Variants in TPRG1 observed in about 807,000 individuals in gnomAD.
The protein encoded by TPRG1 is tumor protein p63 regulated 1.
A neutral mutation model predicts 29.3 loss-of-function variants in TPRG1; 29 were observed. The ratio of observed to expected loss-of-function variants is 0.99; its 90% CI spans 0.74 to 1.35. The LOEUF (loss-of-function observed/expected upper bound fraction) is 1.35. TPRG1 is among the 40% of genes most tolerant of loss of function. TPRG1 has a pLI of 0.00. For missense variants in TPRG1, 327 were observed against 335.0 expected, an observed-to-expected ratio of 0.98 and a Z score of 0.19; for synonymous variants, 130 against 116.8, an observed-to-expected ratio of 1.11 and a Z score of -0.73.
intron 1 of TPRG1, chr3:189,120,391 A>C (rs1721689517): frequency 1.3e-5 from 2 of 152,196 alleles, no homozygotes; most frequent in Non-Finnish European, 2.9e-5. Flanking sequence ...AGTTATGGTA[A>C]ATGTCTTTGT....
In TPRG1 at chr3:189,068,024, T is replaced by C. The variant is rs548146748; in HGVS notation, c.-463+44078T>C. ...ATGGACAAAAGATCTGAATAGACTT[T>C]TCTCAAATGAAGACGTACAAATGGC... On this transcript the variant is annotated intron_variant, in intron 4 of 10. Transcript: ENST00000433971. Among the ~76,000 whole-genome samples the C allele has an allele frequency of 3.9e-5, 6 of 152,274 alleles. No homozygotes were observed. In the East Asian group the frequency reaches 1.2e-3, roughly 29 times the overall value.
chr3:189,078,068 C>T (rs1717314626), intron 4 of TPRG1, among the ~76,000 whole-genome samples: 1 of 124,074 alleles, frequency 8.1e-6, no homozygotes, highest in Admixed American at 8.5e-5. Flanking sequence ...TCCTTTCTCT[C>T]CTTTCTCTCT....
At chr3:189,108,956 A>G (rs1350468022) in intron 1 of TPRG1, among the ~76,000 whole-genome samples, 1 of 152,124 alleles carries the variant, frequency 6.6e-6, no homozygotes, top group Non-Finnish European at 1.5e-5. Context: ...GGAGGCAGGA[A>G]AAGGGCTGAA....
intron 4 of TPRG1, among the ~76,000 whole-genome samples, chr3:189,250,504 G>GCTCC (rs1553931507): frequency 4.2e-5 from 1 of 23,590 alleles, no homozygotes; most frequent in Non-Finnish European, 8.5e-5. Flanking sequence ...TCTGATTTCC[G>GCTCC]CCCCCCCCCC....
chr3:189,056,173 G>A lies in TPRG1; in HGVS notation c.-463+32227G>A, dbSNP rs148508445. ...GAGCATGGCAAGATCTTGGGTCACC[G>A]CAACCTCTGCCTCCCGGGTCCAAGC... On this transcript the variant is annotated intron_variant, in intron 4 of 10. Transcript: ENST00000433971. Among the ~76,000 whole-genome samples the A allele has an allele frequency of 4.6e-5, 7 of 151,466 alleles. No homozygotes were observed. The East Asian group carries it at 9.8e-4, about 21-fold the overall frequency.
chr3:189,313,042 C>A (rs1722953140), intron 5 of TPRG1: 1 of 115,098 alleles, frequency 8.7e-6, no homozygotes, highest in African/African-American at 3.7e-5. Flanking sequence ...TATTCCAAAG[C>A]TTTTTCTCTT....
chr3:189,139,205 G>T (rs1724190724), intron 3 of TPRG1, among the ~76,000 whole-genome samples: 1 of 152,214 alleles, frequency 6.6e-6, no homozygotes, highest in Non-Finnish European at 1.5e-5. Context: ...TATGCTCAGA[G>T]ATGTTAAATA....
At chr3:189,064,142 G>T (rs905873113) in intron 4 of TPRG1, among the ~76,000 whole-genome samples, 7 of 152,100 alleles carry the variant, frequency 4.6e-5, no homozygotes, top group African/African-American at 1.7e-4. Context: ...ATTGTGGGTT[G>T]GTTACATAGG....
At chr3:189,320,082 A>G (rs1345292188) in intron 5 of TPRG1, among the ~76,000 whole-genome samples, 1 of 152,084 alleles carries the variant, frequency 6.6e-6, no homozygotes, top group Non-Finnish European at 1.5e-5. Context: ...TCTAGAATTT[A>G]TCACCTTCAA....
chr3:189,022,876 C>G (rs113716565), intron 3 of TPRG1, among the ~76,000 whole-genome samples: 2 of 152,312 alleles, frequency 1.3e-5, no homozygotes, highest in South Asian at 2.1e-4. Flanking sequence ...TAGCAATCAG[C>G]GAGACTCCGT....
In TPRG1 at chr3:189,320,841, G is replaced by A. The variant is rs762559402; in HGVS notation, c.*21G>A. 14 of 1,524,818 alleles carry A rather than the reference G, an allele frequency of 9.2e-6. No individual in the cohort carries two copies. The highest frequency in any genetic ancestry group is 2.7e-5 in the South Asian group (2 of 75,202). 94.5% of individuals were successfully genotyped at this position (1,524,818 alleles called of 1,614,324 possible). On this transcript the variant is annotated 3_prime_UTR_variant, in exon 6 of 6. Transcript: ENST00000345063. ...TTTGAGAGTCTTTTTGGTACCATAA[G>A]CATATCATCCACAGATATGTCACTT... is the stretch of plus-strand genomic sequence containing the variant.
rs148462255 is a variant in TPRG1 at position 189,220,425 on chromosome 3, C to T, written c.302+5042C>T. Among the ~76,000 whole-genome samples the T allele has an allele frequency of 2.6e-3, 401 of 152,084 alleles. 1 individual carries two copies. The highest frequency in any genetic ancestry group is 9.2e-3 in the African/African-American group (381 of 41,482). The stretch of plus-strand genomic sequence containing the variant: ...GCATTTGTCTTTATGAATACAAGTG[C>T]GTATAATTATTTTTAACTTTTATTT... On this transcript the variant is annotated intron_variant, in intron 3 of 5. Transcript: ENST00000345063.
intron 4 of TPRG1, among the ~76,000 whole-genome samples, chr3:189,090,074 AAATTGAATTCATATTT>A (rs1332627609): frequency 6.6e-6 from 1 of 152,080 alleles, no homozygotes; most frequent in Non-Finnish European, 1.5e-5. Context: ...ATAGTATTTT[AAATTGAATTCATATTT>A]AATTTATTTT....
intron 5 of TPRG1, among the ~76,000 whole-genome samples, chr3:189,165,889 A>C (rs1413773045): frequency 6.6e-6 from 1 of 152,176 alleles, no homozygotes; most frequent in Non-Finnish European, 1.5e-5. Context: ...AGGCTACAGG[A>C]ACAGAGGCAG....
chr3:189,009,287 CT>C, intron 3 of TPRG1, among the ~76,000 whole-genome samples: 1 of 152,168 alleles, frequency 6.6e-6, no homozygotes, highest in South Asian at 2.1e-4. Context: ...TTGTGGAAAA[CT>C]TAACCCTATT....
intron 3 of TPRG1, among the ~76,000 whole-genome samples, chr3:189,016,945 TG>T (rs1381582924): frequency 6.6e-6 from 1 of 152,142 alleles, no homozygotes; most frequent in Non-Finnish European, 1.5e-5. Context: ...ATTAATATAC[TG>T]GGTTCTCTGC....
upstream of TPRG1, among the ~76,000 whole-genome samples, chr3:189,095,855 A>G (rs1318281301): frequency 6.6e-6 from 1 of 152,172 alleles, no homozygotes; most frequent in Non-Finnish European, 1.5e-5. Context: ...GAAGAAGCTC[A>G]GCCAGGGCCT....
chr3:189,268,357 G>A (rs1408568551), intron 4 of TPRG1, among the ~76,000 whole-genome samples: 1 of 152,172 alleles, frequency 6.6e-6, no homozygotes, highest in Non-Finnish European at 1.5e-5. Context: ...TCCGTGGGGA[G>A]GCGTTCCCCA....
At chr3:189,159,236 T>A (rs1727122772) in intron 5 of TPRG1, among the ~76,000 whole-genome samples, 1 of 152,166 alleles carries the variant, frequency 6.6e-6, no homozygotes, top group South Asian at 2.1e-4. Context: ...AAAAGACAGT[T>A]ATTTTTTTCA....
Sources: gnomAD v4.1 joint callset for allele counts (sites outside exome capture counted in the v4.1 genomes callset) on GRCh38, gnomAD v4.1.1 for gene constraint, MANE v1.5 for transcripts, NCBI Gene and HGNC (gene_info 2026-07-23, HGNC 2026-07-21) for gene names.